BPTF: variants seen among roughly 807,000 people sequenced by gnomAD.
The protein encoded by BPTF is bromodomain PHD finger transcription factor.
BPTF carries 18 observed loss-of-function variants against 292.5 expected under a neutral mutation model. The observed-to-expected ratio is 0.06, with a 90% CI of 0.04 to 0.09. The LOEUF is 0.09. Ranked by LOEUF, BPTF falls within the 10% of genes least tolerant of loss-of-function variation. The pLI, the probability that BPTF is intolerant of heterozygous loss-of-function variation, is 1.00. For synonymous variants in BPTF, 1,225 were observed against 1,251.9 expected (o/e 0.98, Z 0.45); for missense variants, 2,726 against 3,498.7 (o/e 0.78, Z 5.57).
intron 2 of BPTF, among the ~76,000 whole-genome samples, chr17:67,864,776 C>A (rs371578481): frequency 1.3e-5 from 2 of 151,870 alleles, no homozygotes; most frequent in East Asian, 3.9e-4. Flanking sequence ...TTGCATTATA[C>A]TTACCAGTTG....
intron 12 of BPTF, among the ~76,000 whole-genome samples, chr17:67,919,809 T>G (rs571549859): frequency 6.6e-6 from 1 of 152,200 alleles, no homozygotes; most frequent in South Asian, 2.1e-4. Flanking sequence ...GCATTTTGTT[T>G]CGTTTAGGAA....
At position 67,868,407 on chromosome 17, in the gene BPTF, T is replaced by C. The variant is rs149562714; in HGVS notation, c.1660+1720T>C. On this transcript the variant is annotated intron_variant, in intron 3 of 27. Transcript: ENST00000306378. ...GATTGCTTCCAGAGCCCTCTGCAGA[T>C]AGCAAAATCCATGGATGCCCAAGTC... 1.8e-3 allele frequency among the ~76,000 whole-genome samples: 281 copies of C among 152,332 alleles called. 1 individual carries two copies. The highest frequency in any genetic ancestry group is 3.4e-3 in the Middle Eastern group (1 of 294).
chr17:67,978,302 A>ATT (rs1295204423), intron 27 of BPTF, among the ~76,000 whole-genome samples: 1 of 39,414 alleles, frequency 2.5e-5, no homozygotes, highest in African/African-American at 3.6e-5. Context: ...ATATATATAT[A>ATT]TATATATTTT....
intron 1 of BPTF, among the ~76,000 whole-genome samples, chr17:67,848,168 ATTCT>A (rs2058165737): frequency 1.5e-5 from 2 of 130,040 alleles, no homozygotes; most frequent in South Asian, 4.5e-4. Context: ...AACACTGTAA[ATTCT>A]TTTTTTTTTT....
At chr17:67,881,705 G>A (rs1367016122) in intron 4 of BPTF, among the ~76,000 whole-genome samples, 2 of 151,518 alleles carry the variant, frequency 1.3e-5, no homozygotes, top group Non-Finnish European at 2.9e-5. Flanking sequence ...GGTTTCACAT[G>A]TTGGCCAGGC....
intron 18 of BPTF, 57 bp downstream of exon 18, chr17:67,932,076 G>A (rs1331014457): frequency 4.2e-6 from 6 of 1,423,376 alleles, no homozygotes; most frequent in South Asian, 2.4e-5. Context: ...TAGGAAATAC[G>A]TAATTCTCTG....
intron 4 of BPTF, among the ~76,000 whole-genome samples, chr17:67,890,547 G>A (rs781656083): frequency 1.3e-5 from 2 of 152,210 alleles, no homozygotes; most frequent in South Asian, 2.1e-4. Context: ...GACAGTCACT[G>A]TGGCCAGCTA....
intron 1 of BPTF, among the ~76,000 whole-genome samples, chr17:67,844,472 C>T (rs182370239): frequency 2.6e-5 from 4 of 152,036 alleles, no homozygotes; most frequent in Admixed American, 2.6e-4. Context: ...TGGTCTCGAT[C>T]TCCTGACCTC....
intron 26 of BPTF, among the ~76,000 whole-genome samples, chr17:67,971,226 G>A (rs1184503357): frequency 6.6e-6 from 1 of 152,108 alleles, no homozygotes; most frequent in Non-Finnish European, 1.5e-5. Flanking sequence ...TTACAGGCAT[G>A]CGCCACCACA....
intron 4 of BPTF, among the ~76,000 whole-genome samples, chr17:67,879,283 A>G (rs2060242413): frequency 6.6e-6 from 1 of 151,938 alleles, no homozygotes; most frequent in Non-Finnish European, 1.5e-5. Flanking sequence ...CTGGGATTAC[A>G]GGTGCCCACC....
At chr17:67,921,999 C>T (rs1409079433) in intron 13 of BPTF, among the ~76,000 whole-genome samples, 3 of 152,118 alleles carry the variant, frequency 2.0e-5, no homozygotes, top group East Asian at 1.9e-4. Flanking sequence ...CCACTGTACT[C>T]CAGCCTGGGC....
At chr17:67,862,166 G>A (rs2059123893) in intron 2 of BPTF, among the ~76,000 whole-genome samples, 1 of 152,052 alleles carries the variant, frequency 6.6e-6, no homozygotes, top group Non-Finnish European at 1.5e-5. Context: ...AGTAGAGATG[G>A]GGTTTCACCA....
At chr17:67,906,455 T>A (rs1168316749) in intron 9 of BPTF, among the ~76,000 whole-genome samples, 1 of 152,224 alleles carries the variant, frequency 6.6e-6, no homozygotes, top group African/African-American at 2.4e-5. Context: ...TCTATAGAGA[T>A]GAACTGCTCT....
At chr17:67,862,083 C>A (rs938792048) in intron 2 of BPTF, among the ~76,000 whole-genome samples, 5 of 152,188 alleles carry the variant, frequency 3.3e-5, no homozygotes, top group South Asian at 2.1e-4. Context: ...TCAAGTGATT[C>A]TTCTGCCTCA....
At chr17:67,875,542 G>T in intron 4 of BPTF, 2 of 1,466,796 alleles carry the variant, frequency 1.4e-6, no homozygotes, top group Non-Finnish European at 1.8e-6. Flanking sequence ...GTTTTGTTGT[G>T]CATTTTGCTG....
chr17:67,975,761 G>A lies in BPTF; in HGVS notation c.8540-11G>A, dbSNP rs2069334667. 1.3e-6 allele frequency: 2 copies of A among 1,595,386 alleles called. No homozygotes were observed. The highest frequency in any genetic ancestry group is 1.1e-5 in the South Asian group (1 of 87,860). ...AAGCTCTGAAAATGTTTTACATTTT[G>A]TGTTTTTAAGACCTTGCCACCATGG... On this transcript the variant is annotated splice_polypyrimidine_tract_variant and intron_variant, in intron 26 of 27. Coordinates refer to ENST00000306378, the MANE Select transcript of BPTF (RefSeq NM_182641.4).
At chr17:67,961,794 C>T (rs2067523849) in intron 24 of BPTF, among the ~76,000 whole-genome samples, 1 of 152,036 alleles carries the variant, frequency 6.6e-6, no homozygotes, top group Admixed American at 6.6e-5. Flanking sequence ...GCCAACATGG[C>T]AAAACCCTGT....
intron 5 of BPTF, 116 bp downstream of exon 5, chr17:67,892,150 T>C (rs2061157431): frequency 1.2e-6 from 1 of 815,582 alleles, no homozygotes; most frequent in Non-Finnish European, 1.8e-6. Flanking sequence ...TTTTGAATTA[T>C]ATTTTCTCTG....
chr17:67,924,875 A>G (rs1031131898), intron 15 of BPTF, among the ~76,000 whole-genome samples: 3 of 151,934 alleles, frequency 2.0e-5, no homozygotes, highest in Admixed American at 6.6e-5. Flanking sequence ...CAGCCTCCCT[A>G]GTAGTTGAGA....
Sources: gnomAD v4.1 joint callset for allele counts (sites outside exome capture counted in the v4.1 genomes callset) on GRCh38, gnomAD v4.1.1 for gene constraint, MANE v1.5 for transcripts, NCBI Gene and HGNC (gene_info 2026-07-23, HGNC 2026-07-21) for gene names.